The following STRN3 variants were observed in gnomAD, a reference collection of about 807,000 sequenced individuals.
STRN3 encodes the protein striatin 3.
Under a neutral mutation model 95.6 loss-of-function variants are expected in STRN3, and 29 were observed. That is an observed-to-expected ratio of 0.30 (90% CI 0.23 to 0.41). STRN3 has a LOEUF of 0.41. STRN3 is among the 10% of genes least tolerant of loss of function. The probability of loss-of-function intolerance (pLI) is 1.00; values close to 1 mark genes in which losing one functional copy is unlikely to be tolerated. For missense variants in STRN3, 890 were observed against 972.1 expected (o/e 0.92, Z 1.12); for synonymous variants, 331 against 357.6 (o/e 0.93, Z 0.84).
chr14:30,907,388 CAG>C (rs1261263206), intron 13 of STRN3, among the ~76,000 whole-genome samples: 2 of 149,056 alleles, frequency 1.3e-5, no homozygotes, highest in African/African-American at 5.2e-5. Flanking sequence ...ATGTTGTTCA[CAG>C]AGTTATACAA....
At chr14:30,904,177 T>C (rs1463619007) in intron 15 of STRN3, among the ~76,000 whole-genome samples, 1 of 152,122 alleles carries the variant, frequency 6.6e-6, no homozygotes. Context: ...AAATAGCTGA[T>C]TTCAGATCTA....
intron 8 of STRN3, among the ~76,000 whole-genome samples, chr14:30,927,297 T>TA (rs999964527): frequency 1.3e-5 from 2 of 151,990 alleles, no homozygotes; most frequent in South Asian, 2.1e-4. Context: ...ACCTGGGTTC[T>TA]AAAAAAAATA....
intron 13 of STRN3, among the ~76,000 whole-genome samples, chr14:30,908,727 T>C (rs1896532052): frequency 6.6e-6 from 1 of 152,194 alleles, no homozygotes; most frequent in African/African-American, 2.4e-5. Flanking sequence ...CTCAGTTTCC[T>C]TTCTTGGCTC....
intron 1 of STRN3, among the ~76,000 whole-genome samples, chr14:30,985,057 C>G (rs534693219): frequency 5.3e-4 from 81 of 152,028 alleles, no homozygotes; most frequent in Non-Finnish European, 7.4e-5. Flanking sequence ...TGGTTCACAC[C>G]TGTAATCCCA....
intron 1 of STRN3, among the ~76,000 whole-genome samples, chr14:30,986,221 G>A (rs963887872): frequency 6.6e-6 from 1 of 152,128 alleles, no homozygotes; most frequent in African/African-American, 2.4e-5. Context: ...CTAAAATGCT[G>A]AGAACAACCA....
At position 30,936,531 on chromosome 14, in the gene STRN3, T is replaced by C. The variant is rs769570584; in HGVS notation, c.810A>G (p.Pro270=). ...DEENDMIEGI[P]EGKDKHRMNK... ...TCATCCGATGTTTGTCTTTTCCTTC[T>C]GGGATGCCTTCGATCATGTCATTTT... The change falls in exon 6 of 18, where the codon CCA becomes CCG. Residue 270 remains proline (P), a synonymous_variant. Transcript: ENST00000357479. 6.2e-7 allele frequency: 1 copy of C among 1,613,678 alleles called. No homozygotes were observed. The highest frequency in any genetic ancestry group is 1.1e-5 in the South Asian group (1 of 90,964).
At chr14:30,994,022 C>T (rs1057443067) in intron 1 of STRN3, among the ~76,000 whole-genome samples, 1 of 152,106 alleles carries the variant, frequency 6.6e-6, no homozygotes, top group African/African-American at 2.4e-5. Context: ...GGAATACGGG[C>T]ATGTGCCACC....
intron 1 of STRN3, among the ~76,000 whole-genome samples, chr14:31,023,869 T>C (rs1379695061): frequency 6.7e-6 from 1 of 149,228 alleles, no homozygotes; most frequent in African/African-American, 2.4e-5. Context: ...GAACATTTTA[T>C]TCCAAAAGAA....
chr14:31,005,073 C>G (rs1251322863), intron 1 of STRN3, among the ~76,000 whole-genome samples: 1 of 152,142 alleles, frequency 6.6e-6, no homozygotes, highest in African/African-American at 2.4e-5. Flanking sequence ...GTGGCTCACC[C>G]CTATAATCCT....
chr14:31,013,257 T>C (rs1566492648), intron 1 of STRN3, among the ~76,000 whole-genome samples: 1 of 150,604 alleles, frequency 6.6e-6, no homozygotes, highest in Non-Finnish European at 1.5e-5. Flanking sequence ...TTCCTGTAGT[T>C]CCAAACTTGC....
intron 9 of STRN3, among the ~76,000 whole-genome samples, chr14:30,918,718 ACT>A (rs1393017092): frequency 6.6e-6 from 1 of 152,116 alleles, no homozygotes; most frequent in African/African-American, 2.4e-5. Context: ...TTAAGAAAAG[ACT>A]CTGAATTCAC....
rs866985391 is a variant in STRN3 at position 30,913,793 on chromosome 14, A to G, written c.1241-136T>C. The G allele has an allele frequency of 2.2e-5, 24 of 1,102,644 alleles. No individual in the cohort carries two copies. In the Middle Eastern group the frequency reaches 2.0e-3, roughly 91 times the overall value. The allele number at this position is 1,102,644 out of a possible 1,614,324, so 68.3% of individuals were successfully genotyped here. A position where few individuals can be genotyped will look rare whatever the true frequency, so the allele number is the denominator to read the frequency against. ...TTTTTATTTTCCCACTTCTACTCAA[A>G]AAATCCTGTTACTAAGCAGTGTTAA... On this transcript the variant is annotated intron_variant, in intron 9 of 17. Coordinates refer to ENST00000357479, the MANE Select transcript of STRN3 (RefSeq NM_001083893.2).
At chr14:30,948,625 G>C (rs144749117) in intron 4 of STRN3, among the ~76,000 whole-genome samples, 1 of 152,162 alleles carries the variant, frequency 6.6e-6, no homozygotes, top group Non-Finnish European at 1.5e-5. Flanking sequence ...TCTTGAATAC[G>C]TTTGTGATAG....
chr14:31,013,542 G>T (rs1270341901), intron 1 of STRN3, among the ~76,000 whole-genome samples: 1 of 152,004 alleles, frequency 6.6e-6, no homozygotes, highest in Non-Finnish European at 1.5e-5. Flanking sequence ...AGTGGGGGGT[G>T]GTAGACAGGA....
At chr14:31,018,949 C>G (rs778404746) in intron 1 of STRN3, among the ~76,000 whole-genome samples, 1 of 152,112 alleles carries the variant, frequency 6.6e-6, no homozygotes, top group Non-Finnish European at 1.5e-5. Flanking sequence ...ATGGTGAAAC[C>G]CCATCCCTAC....
intron 12 of STRN3, 133 bp from the exon 13 acceptor site, chr14:30,911,295 CTTTTTTT>C (rs11297035): frequency 2.0e-4 from 90 of 453,172 alleles, no homozygotes; most frequent in South Asian, 4.3e-4. Flanking sequence ...CTGACTGGTA[CTTTTTTT>C]TTTTTTTTTT....
At position 30,894,232 on chromosome 14, in the gene STRN3, T is replaced by C. The variant is rs1896067900; in HGVS notation, c.*1179A>G. On this transcript the variant is annotated 3_prime_UTR_variant, in exon 18 of 18. Coordinates refer to ENST00000357479, the MANE Select transcript of STRN3 (RefSeq NM_001083893.2). ...CCTATTTGTAATGCAAATAAAACTTTACTCCAAATATTTTTAAACAAGTTA... is the reference window on the plus strand; with the variant it reads ...CCTATTTGTAATGCAAATAAAACTTCACTCCAAATATTTTTAAACAAGTTA... 6.6e-6 allele frequency: 1 copy of C among 152,326 alleles called. No individual in the cohort carries two copies. The highest frequency in any genetic ancestry group is 1.5e-5 in the Non-Finnish European group (1 of 68,006). 9.4% of individuals were successfully genotyped at this position (152,326 alleles called of 1,614,324 possible). A position where few individuals can be genotyped will look rare whatever the true frequency, so the allele number is the denominator to read the frequency against.
At chr14:30,909,406 G>A (rs535769021) in intron 13 of STRN3, among the ~76,000 whole-genome samples, 5 of 48,708 alleles carry the variant, frequency 1.0e-4, no homozygotes, top group Admixed American at 9.9e-4. Context: ...CCTGGGAGGC[G>A]GAGGTTGCAG....
chr14:31,025,739 G>A (rs1282336460), intron 1 of STRN3, 165 bp downstream of exon 1: 21 of 916,350 alleles, frequency 2.3e-5, no homozygotes, highest in Non-Finnish European at 2.9e-5. Flanking sequence ...GAGGGAGGGG[G>A]ACTCCAGGAA....
Sources: gnomAD v4.1 joint callset for allele counts (sites outside exome capture counted in the v4.1 genomes callset) on GRCh38, gnomAD v4.1.1 for gene constraint, MANE v1.5 for transcripts, NCBI Gene and HGNC (gene_info 2026-07-23, HGNC 2026-07-21) for gene names.